Variants in AIMP1 observed in about 807,000 individuals in gnomAD.
AIMP1 encodes aminoacyl tRNA synthetase complex interacting multifunctional protein 1.
In AIMP1, 24 loss-of-function variants were observed where a neutral mutation model predicts 33.1. The ratio of observed to expected loss-of-function variants is 0.73; its 90% CI spans 0.53 to 1.02. AIMP1 has a LOEUF of 1.02. AIMP1 is among the 50% of genes least tolerant of loss of function. The pLI, the probability that AIMP1 is intolerant of heterozygous loss-of-function variation, is 0.00. For missense variants in AIMP1, 367 were observed against 364.8 expected (o/e 1.01, Z -0.05); for synonymous variants, 120 against 121.5 (o/e 0.99, Z 0.08).
At chr4:106,330,794 T>C (rs866497729) in intron 4 of AIMP1, among the ~76,000 whole-genome samples, 2 of 152,220 alleles carry the variant, frequency 1.3e-5, no homozygotes, top group Non-Finnish European at 2.9e-5. Context: ...ATAGCTTATC[T>C]CTGTTCTTTG....
intron 5 of AIMP1, among the ~76,000 whole-genome samples, chr4:106,336,492 AT>A (rs1769889151): frequency 6.6e-6 from 1 of 152,204 alleles, no homozygotes; most frequent in South Asian, 2.1e-4. Flanking sequence ...TTTAATCCTT[AT>A]GACAACTCTT....
intron 1 of AIMP1, 179 bp downstream of exon 1, chr4:106,316,773 A>G (rs1054764505): frequency 7.2e-6 from 4 of 553,786 alleles, no homozygotes; most frequent in Non-Finnish European, 9.5e-6. Context: ...ACTTCCTTCT[A>G]AAGGAGCCAC....
chr4:106,322,309 G>A (rs1200090262), intron 1 of AIMP1, among the ~76,000 whole-genome samples: 1 of 147,602 alleles, frequency 6.8e-6, no homozygotes. Flanking sequence ...AAAAAAAAAA[G>A]TATAGAAAAT....
chr4:106,343,133 G>A (rs1419206092), intron 6 of AIMP1, among the ~76,000 whole-genome samples: 2 of 152,018 alleles, frequency 1.3e-5, no homozygotes, highest in African/African-American at 2.4e-5. Flanking sequence ...GTCTGTTCAT[G>A]TTTTTACTGT....
chr4:106,321,898 C>T (rs1371081489), intron 1 of AIMP1, among the ~76,000 whole-genome samples: 1 of 152,038 alleles, frequency 6.6e-6, no homozygotes. Context: ...AACCTTACCC[C>T]CAACCCCGTG....
chr4:106,333,285 C>T (rs1769748857), intron 5 of AIMP1, among the ~76,000 whole-genome samples: 1 of 152,150 alleles, frequency 6.6e-6, no homozygotes, highest in Non-Finnish European at 1.5e-5. Context: ...GGATTCCTTA[C>T]TCATTTCCTT....
At chr4:106,325,624 G>C (rs1331419922) in intron 2 of AIMP1, among the ~76,000 whole-genome samples, 1 of 151,798 alleles carries the variant, frequency 6.6e-6, no homozygotes, top group Non-Finnish European at 1.5e-5. Context: ...TTCTGTAGGT[G>C]GCCATTTCCT....
chr4:106,336,932 T>A lies in AIMP1; in HGVS notation c.667T>A (p.Ser223Thr). 6.2e-7 allele frequency: 1 copy of A among 1,614,096 alleles called. No individual in the cohort carries two copies. Among genetic ancestry groups the A allele is most frequent in the Non-Finnish European group, 8.5e-7 (1 of 1,179,962 alleles). Residue 223 changes from serine to threonine, a missense_variant, in exon 6 of 7, where the codon TCT becomes ACT. Coordinates refer to ENST00000672341, the MANE Select transcript of AIMP1 (RefSeq NM_001142416.2). ...ACCTGCAAAGATGAGGGGAGTATTA[T>A]CTCAAGCAATGGTCATGTGTGCTAG... ...LKPAKMRGVL[S>T]QAMVMCASSP...
At chr4:106,333,101 CT>C (rs1426267526) in intron 5 of AIMP1, among the ~76,000 whole-genome samples, 2 of 150,668 alleles carry the variant, frequency 1.3e-5, no homozygotes, top group African/African-American at 4.9e-5. Context: ...AAGTTAGACT[CT>C]TTAACACAGT....
chr4:106,342,394 C>G (rs1770130581), intron 6 of AIMP1, among the ~76,000 whole-genome samples: 1 of 152,086 alleles, frequency 6.6e-6, no homozygotes, highest in South Asian at 2.1e-4. Flanking sequence ...CAGCTTTTGC[C>G]CATTAGGTAT....
intron 6 of AIMP1, among the ~76,000 whole-genome samples, chr4:106,343,940 A>G (rs887079830): frequency 5.9e-5 from 9 of 152,196 alleles, no homozygotes; most frequent in Non-Finnish European, 1.2e-4. Flanking sequence ...TTAAAAATCC[A>G]AATTGTCTAT....
intron 1 of AIMP1, among the ~76,000 whole-genome samples, chr4:106,318,120 A>G (rs1441043960): frequency 6.6e-6 from 1 of 152,206 alleles, no homozygotes; most frequent in African/African-American, 2.4e-5. Flanking sequence ...GTAAAGGGAA[A>G]GCAGGCTGTC....
At chr4:106,345,648 A>G (rs1330147937) in intron 6 of AIMP1, among the ~76,000 whole-genome samples, 8 of 151,922 alleles carry the variant, frequency 5.3e-5, no homozygotes, top group African/African-American at 1.9e-4. Flanking sequence ...TGTATCATTC[A>G]ATTAACTACT....
At chr4:106,344,572 G>A (rs1579647952) in intron 6 of AIMP1, among the ~76,000 whole-genome samples, 2 of 152,200 alleles carry the variant, frequency 1.3e-5, no homozygotes. Flanking sequence ...TTATCATCCT[G>A]CTTTTGCCCT....
intron 6 of AIMP1, among the ~76,000 whole-genome samples, chr4:106,345,872 T>C (rs1770278240): frequency 6.8e-6 from 1 of 148,118 alleles, no homozygotes; most frequent in Admixed American, 6.8e-5. Context: ...ATATTTTATA[T>C]TCCTAATATA....
chr4:106,322,485 A>G (rs186514604), intron 1 of AIMP1, among the ~76,000 whole-genome samples: 1 of 152,172 alleles, frequency 6.6e-6, no homozygotes, highest in East Asian at 1.9e-4. Context: ...AATTTAAATG[A>G]TAATTAATCA....
Position 106,347,771 on chromosome 4 carries a change from A to T in AIMP1, c.*79A>T. The T allele has an allele frequency of 6.8e-7, 1 of 1,462,342 alleles. No individual in the cohort carries two copies. The highest frequency in any genetic ancestry group is 1.4e-5 in the African/African-American group (1 of 70,898). 90.6% of individuals were successfully genotyped at this position (1,462,342 alleles called of 1,614,324 possible). Reference sequence around the variant, plus strand: ...AATATATTTGTCACTTATACCTAAAATATGAGTGGCTCATTTTTGCATTAC... The same window carrying T: ...AATATATTTGTCACTTATACCTAAATTATGAGTGGCTCATTTTTGCATTAC... On this transcript the variant is annotated 3_prime_UTR_variant, in exon 7 of 7. Coordinates refer to ENST00000672341, the MANE Select transcript of AIMP1 (RefSeq NM_001142416.2).
intron 5 of AIMP1, among the ~76,000 whole-genome samples, chr4:106,336,183 C>T (rs184360188): frequency 1.3e-5 from 2 of 150,756 alleles, no homozygotes; most frequent in African/African-American, 2.4e-5. Context: ...TAGCCACATG[C>T]CACCATGCCC....
intron 1 of AIMP1, among the ~76,000 whole-genome samples, chr4:106,317,325 G>T (rs572877410): frequency 4.6e-5 from 7 of 152,284 alleles, no homozygotes; most frequent in African/African-American, 1.7e-4. Flanking sequence ...TGAGTGAAGG[G>T]TTTAGTCCTT....
Sources: allele counts gnomAD v4.1 joint callset (sites outside exome capture counted in the v4.1 genomes callset), GRCh38; gene constraint gnomAD v4.1.1; transcripts MANE v1.5; gene names NCBI Gene and HGNC (gene_info 2026-07-23, HGNC 2026-07-21).